Variants in NTM observed in about 807,000 individuals in gnomAD.
NTM encodes the protein neurotrimin.
In NTM, 13 loss-of-function variants were observed where a neutral mutation model predicts 42.1. The observed-to-expected ratio is 0.31, with a 90% CI of 0.20 to 0.49. The LOEUF (loss-of-function observed/expected upper bound fraction) is 0.49, where lower values mean the gene tolerates loss of function less well. NTM is among the 20% of genes least tolerant of loss of function. NTM has a pLI of 0.99. For missense variants in NTM, 373 were observed against 452.8 expected, an observed-to-expected ratio of 0.82 and a Z score of 1.60; for synonymous variants, 187 against 179.2, an observed-to-expected ratio of 1.04 and a Z score of -0.35.
chr11:131,495,744 G>A (rs1955273887), intron 1 of NTM, among the ~76,000 whole-genome samples: 1 of 152,226 alleles, frequency 6.6e-6, no homozygotes, highest in African/African-American at 2.4e-5. Context: ...AGCTGGGGAG[G>A]GGGATTGGGC....
chr11:131,828,348 C>T (rs965174642), intron 1 of NTM, among the ~76,000 whole-genome samples: 2 of 152,116 alleles, frequency 1.3e-5, no homozygotes, highest in African/African-American at 4.8e-5. Flanking sequence ...GTCACTACCA[C>T]AATCATCACC....
chr11:132,257,635 C>T (rs1383679252), intron 4 of NTM, among the ~76,000 whole-genome samples: 1 of 152,222 alleles, frequency 6.6e-6, no homozygotes, highest in Non-Finnish European at 1.5e-5. Context: ...GCTGGGATAA[C>T]TCTTCTTCAC....
intron 2 of NTM, among the ~76,000 whole-genome samples, chr11:132,087,759 C>T (rs906383320): frequency 6.6e-6 from 1 of 152,124 alleles, no homozygotes; most frequent in African/African-American, 2.4e-5. Context: ...AAGTGCTGGG[C>T]CAAGAAGACC....
At chr11:131,933,356 C>A (rs569277722) in intron 2 of NTM, among the ~76,000 whole-genome samples, 1 of 152,268 alleles carries the variant, frequency 6.6e-6, no homozygotes, top group South Asian at 2.1e-4. Context: ...GTGCTTCCAT[C>A]AAAAATGAGA....
At chr11:131,411,426 CAA>C (rs1946391234) in intron 1 of NTM, among the ~76,000 whole-genome samples, 1 of 152,004 alleles carries the variant, frequency 6.6e-6, no homozygotes, top group Non-Finnish European at 1.5e-5. Context: ...CCTCAACACT[CAA>C]AGGTAAGATG....
chr11:131,630,451 A>T (rs1286215655), intron 1 of NTM, among the ~76,000 whole-genome samples: 1 of 44,486 alleles, frequency 2.2e-5, no homozygotes, highest in African/African-American at 9.5e-5. Flanking sequence ...CTGTGTTCTC[A>T]GTGTTTCTTT....
chr11:131,589,727 C>T (rs142188062), intron 1 of NTM, among the ~76,000 whole-genome samples: 44 of 152,236 alleles, frequency 2.9e-4, no homozygotes, highest in South Asian at 2.3e-3. Flanking sequence ...TACACACATG[C>T]GCACACACAT....
At chr11:131,960,914 C>T (rs1304602333) in intron 2 of NTM, among the ~76,000 whole-genome samples, 1 of 152,150 alleles carries the variant, frequency 6.6e-6, no homozygotes, top group African/African-American at 2.4e-5. Flanking sequence ...TTTTGAAATT[C>T]ACAGAGATGC....
At chr11:131,626,636 G>A (rs1016195108) in intron 1 of NTM, among the ~76,000 whole-genome samples, 2 of 152,164 alleles carry the variant, frequency 1.3e-5, no homozygotes, top group Non-Finnish European at 2.9e-5. Flanking sequence ...GGGGAAAACA[G>A]GCATTAATTT....
At chr11:132,331,290 G>A (rs2095796746) in intron 8 of NTM, among the ~76,000 whole-genome samples, 1 of 152,182 alleles carries the variant, frequency 6.6e-6, no homozygotes, top group African/African-American at 2.4e-5. Flanking sequence ...TTAAGGTGTT[G>A]TGATAGCTTT....
At chr11:132,218,280 A>C (rs1197602007) in intron 4 of NTM, among the ~76,000 whole-genome samples, 1 of 152,196 alleles carries the variant, frequency 6.6e-6, no homozygotes, top group Non-Finnish European at 1.5e-5. Flanking sequence ...TGAGAAGAAA[A>C]AGGGAGAAAG....
intron 2 of NTM, among the ~76,000 whole-genome samples, chr11:131,984,952 A>C (rs1020043614): frequency 2.0e-5 from 3 of 152,188 alleles, no homozygotes; most frequent in African/African-American, 7.2e-5. Context: ...CTTTCGTCAA[A>C]TCGTTAAGTA....
intron 1 of NTM, among the ~76,000 whole-genome samples, chr11:131,726,457 T>A (rs552217969): frequency 6.6e-6 from 1 of 151,182 alleles, no homozygotes; most frequent in South Asian, 2.1e-4. Flanking sequence ...TTTACTCTAC[T>A]GGCAAAATAA....
At chr11:132,287,092 A>G (rs1387414632) in intron 4 of NTM, among the ~76,000 whole-genome samples, 1 of 152,184 alleles carries the variant, frequency 6.6e-6, no homozygotes, top group Admixed American at 6.5e-5. Flanking sequence ...CAGGCTGTCG[A>G]TGGCAGAGAA....
intron 2 of NTM, among the ~76,000 whole-genome samples, chr11:131,998,846 T>G (rs899614755): frequency 1.4e-4 from 22 of 152,106 alleles, no homozygotes; most frequent in African/African-American, 5.3e-4. Flanking sequence ...TTCCCACTGG[T>G]TATGCCTGGC....
intron 2 of NTM, among the ~76,000 whole-genome samples, chr11:132,112,145 G>A (rs917036747): frequency 8.5e-5 from 13 of 152,176 alleles, no homozygotes; most frequent in African/African-American, 2.9e-4. Flanking sequence ...TTTATGTGGT[G>A]CATTCTAGTT....
chr11:131,424,618 T>TTTTTTTTTTTTTTTTTTTG, intron 1 of NTM, among the ~76,000 whole-genome samples: 1 of 144,392 alleles, frequency 6.9e-6, no homozygotes, highest in East Asian at 2.1e-4. Flanking sequence ...TTTTTTTTTT[T>TTTTTTTTTTTTTTTTTTTG]GGCGCAATCT....
At chr11:132,044,142 ATGTGCG>A (rs1317799246) in intron 2 of NTM, among the ~76,000 whole-genome samples, 1 of 42,314 alleles carries the variant, frequency 2.4e-5, no homozygotes, top group Non-Finnish European at 4.1e-5. Flanking sequence ...GTGTGTGTGT[ATGTGCG>A]TGTGTGTGTG....
At chr11:131,547,699 T>C (rs1288216337) in intron 1 of NTM, among the ~76,000 whole-genome samples, 1 of 152,208 alleles carries the variant, frequency 6.6e-6, no homozygotes. Context: ...TTTTCTAAGA[T>C]GGAGTCACTT....
Sources: gnomAD v4.1 joint callset for allele counts (sites outside exome capture counted in the v4.1 genomes callset) on GRCh38, gnomAD v4.1.1 for gene constraint, MANE v1.5 for transcripts, NCBI Gene and HGNC (gene_info 2026-07-23, HGNC 2026-07-21) for gene names.